The following CELF2 variants were observed in gnomAD, a reference collection of about 807,000 sequenced individuals.
The protein encoded by CELF2 is CUGBP Elav-like family member 2, also known as CUG triplet repeat RNA-binding protein 2.
Under a neutral mutation model 62.6 loss-of-function variants are expected in CELF2, and 8 were observed. The ratio of observed to expected loss-of-function variants is 0.13; its 90% CI spans 0.07 to 0.23. The LOEUF is 0.23. Ranked by LOEUF, CELF2 falls within the 10% of genes least tolerant of loss-of-function variation. The pLI is 1.00. For synonymous variants in CELF2, 258 were observed against 250.0 expected, an observed-to-expected ratio of 1.03 and a Z score of -0.30; for missense variants, 333 against 671.0, an observed-to-expected ratio of 0.50 and a Z score of 5.56.
chr10:10,634,420 A>T, the CELF2 span, among the ~76,000 whole-genome samples: 5 of 152,110 alleles, frequency 3.3e-5, no homozygotes, highest in Non-Finnish European at 5.9e-5. Flanking sequence ...ATCTTACACC[A>T]CTTTTAGTAG....
At chr10:10,679,774 A>T in the CELF2 span, among the ~76,000 whole-genome samples, 1 of 152,210 alleles carries the variant, frequency 6.6e-6, no homozygotes, top group Non-Finnish European at 1.5e-5. Flanking sequence ...TACATGGCAC[A>T]TGGTGATACA....
the CELF2 span, among the ~76,000 whole-genome samples, chr10:10,641,299 T>C: frequency 6.6e-6 from 1 of 152,194 alleles, no homozygotes; most frequent in Non-Finnish European, 1.5e-5. Flanking sequence ...GTCTGTAAAG[T>C]GGAAATCACG....
chr10:10,895,019 T>G (rs2062440336), intron 1 of CELF2, among the ~76,000 whole-genome samples: 1 of 152,190 alleles, frequency 6.6e-6, no homozygotes. Flanking sequence ...TGCCTGGCAC[T>G]GTACTGAGTG....
the CELF2 span, among the ~76,000 whole-genome samples, chr10:10,606,489 T>C: frequency 6.6e-6 from 1 of 152,158 alleles, no homozygotes; most frequent in Non-Finnish European, 1.5e-5. Context: ...GGCTTACTAG[T>C]GATAAACTGA....
At position 11,300,839 on chromosome 10, in the gene CELF2, A is replaced by G. The variant is rs564762450; in HGVS notation, c.976+12287A>G. On this transcript the variant is annotated intron_variant, in intron 9 of 12. Coordinates refer to ENST00000633077, the MANE Select transcript of CELF2 (RefSeq NM_001326342.2). The surrounding 1 kb of genome is among the most constrained non-coding windows in gnomAD (Gnocchi z 5.5). The stretch of plus-strand genomic sequence containing the variant: ...GCAGGCGATTTTCTCCGTGTTTACA[A>G]TGATTTTATTTCCTAAACCACAAAG... Among the ~76,000 whole-genome samples the G allele has an allele frequency of 1.3e-5, 2 of 152,086 alleles. No homozygotes were observed. The highest frequency in any genetic ancestry group is 6.5e-5 in the Admixed American group (1 of 15,292).
intron 1 of CELF2, among the ~76,000 whole-genome samples, chr10:10,895,068 G>A (rs1048098189): frequency 6.6e-6 from 1 of 152,130 alleles, no homozygotes; most frequent in Non-Finnish European, 1.5e-5. Context: ...AGATTTATCT[G>A]AATTTCACAG....
the CELF2 span, among the ~76,000 whole-genome samples, chr10:10,683,494 A>G: frequency 6.6e-6 from 1 of 152,192 alleles, no homozygotes; most frequent in African/African-American, 2.4e-5. Flanking sequence ...CGTATTTGCC[A>G]CATCTACAGT....
At chr10:11,076,532 C>T (rs914345554) in intron 1 of CELF2, among the ~76,000 whole-genome samples, 1 of 152,164 alleles carries the variant, frequency 6.6e-6, no homozygotes, top group Non-Finnish European at 1.5e-5. Flanking sequence ...GTGAAAGCTT[C>T]TAAGAATGCT....
At chr10:10,549,121 G>A in the CELF2 span, among the ~76,000 whole-genome samples, 1 of 152,176 alleles carries the variant, frequency 6.6e-6, no homozygotes, top group Admixed American at 6.5e-5. Flanking sequence ...GAAATGGAGA[G>A]ACAAGGGTAG....
intron 1 of CELF2, among the ~76,000 whole-genome samples, chr10:11,025,522 C>T (rs1593380225): frequency 1.3e-5 from 2 of 152,106 alleles, no homozygotes; most frequent in East Asian, 3.9e-4. Flanking sequence ...CTTCCCCTTC[C>T]CTTTCTGCCG....
the CELF2 span, among the ~76,000 whole-genome samples, chr10:10,514,448 G>A: frequency 3.9e-5 from 6 of 152,250 alleles, no homozygotes; most frequent in South Asian, 4.1e-4. Context: ...AAATGAAAGC[G>A]TGGTCCCTGA....
chr10:11,047,086 A>G (rs997170408), intron 1 of CELF2, among the ~76,000 whole-genome samples: 2 of 152,184 alleles, frequency 1.3e-5, no homozygotes, highest in Admixed American at 1.3e-4. Context: ...TTCCTATTTA[A>G]GCATTTTAGA....
chr10:10,959,136 G>T (rs963488786), intron 2 of CELF2, among the ~76,000 whole-genome samples: 3 of 151,976 alleles, frequency 2.0e-5, no homozygotes, highest in Non-Finnish European at 4.4e-5. Flanking sequence ...TAGCTACCAC[G>T]CTACCAAGCA....
chr10:10,552,506 G>C, the CELF2 span, among the ~76,000 whole-genome samples: 1 of 152,084 alleles, frequency 6.6e-6, no homozygotes, highest in East Asian at 1.9e-4. Flanking sequence ...CCTATCTCCA[G>C]GTATAAACTC....
At chr10:11,044,230 G>A (rs750435508) in intron 1 of CELF2, among the ~76,000 whole-genome samples, 1 of 152,130 alleles carries the variant, frequency 6.6e-6, no homozygotes, top group Non-Finnish European at 1.5e-5. Context: ...ATTTGCTTTT[G>A]TGTTGCTTTT....
chr10:10,535,387 C>T, the CELF2 span, among the ~76,000 whole-genome samples: 1 of 152,184 alleles, frequency 6.6e-6, no homozygotes, highest in African/African-American at 2.4e-5. Context: ...CTGAAACCCA[C>T]CACTTGGGTG....
rs35989300 is a variant in CELF2, at chr10:11,229,764, A to AT, written c.354+12262dup. Reference sequence around the variant, plus strand: ...GCCACCACATCCAGCTAAGTTTTATATTTTTAGCAGAGACAGGGTTTTGCC... The same window carrying AT: ...GCCACCACATCCAGCTAAGTTTTATATTTTTTAGCAGAGACAGGGTTTTGCC... On this transcript the variant is annotated intron_variant, in intron 3 of 12. Coordinates refer to ENST00000633077, the MANE Select transcript of CELF2 (RefSeq NM_001326342.2). Among the ~76,000 whole-genome samples, 115 of 152,166 alleles carry AT rather than the reference A, an allele frequency of 7.6e-4. 1 individual carries two copies. The East Asian group carries it at 0.018, about 23-fold the overall frequency.
chr10:10,561,356 A>G, the CELF2 span, among the ~76,000 whole-genome samples: 1 of 152,116 alleles, frequency 6.6e-6, no homozygotes, highest in African/African-American at 2.4e-5. Context: ...TTAAGCTCCT[A>G]TGTGTTGGAA....
chr10:10,962,462 C>T (rs752387679), intron 2 of CELF2, among the ~76,000 whole-genome samples: 9 of 151,640 alleles, frequency 5.9e-5, no homozygotes, highest in Non-Finnish European at 1.0e-4. Flanking sequence ...GTGGTTCACA[C>T]GTATAATCCC....
Sources: allele counts gnomAD v4.1 joint callset (sites outside exome capture counted in the v4.1 genomes callset), GRCh38; gene constraint gnomAD v4.1.1; non-coding constraint Gnocchi (gnomAD v3.1); transcripts MANE v1.5; gene names NCBI Gene and HGNC (gene_info 2026-07-23, HGNC 2026-07-21).